The following TFEC variants were observed in gnomAD, a reference collection of about 807,000 sequenced individuals.
TFEC encodes transcription factor EC, also known as class E basic helix-loop-helix protein 34.
TFEC carries 31 observed loss-of-function variants against 41.6 expected under a neutral mutation model. The observed-to-expected ratio is 0.74, with a 90% CI of 0.56 to 1.01. The LOEUF (loss-of-function observed/expected upper bound fraction) is 1.01, where lower values mean the gene tolerates loss of function less well. Among genes scored for constraint, TFEC ranks in the 50% least tolerant of loss-of-function variants. The pLI, the probability that TFEC is intolerant of heterozygous loss-of-function variation, is 0.00. For missense variants in TFEC, 402 were observed against 404.1 expected (o/e 0.99, Z 0.04); for synonymous variants, 143 against 140.6 (o/e 1.02, Z -0.12).
chr7:116,000,198 TGAA>T (rs1794534864), intron 1 of TFEC, among the ~76,000 whole-genome samples: 1 of 152,038 alleles, frequency 6.6e-6, no homozygotes. Context: ...ATCAACAGAA[TGAA>T]GAACAAAGAC....
chr7:116,015,741 T>A (rs932656207), intron 1 of TFEC, among the ~76,000 whole-genome samples: 1 of 152,140 alleles, frequency 6.6e-6, no homozygotes, highest in African/African-American at 2.4e-5. Flanking sequence ...TCACATATTA[T>A]GCATTCAGAT....
intron 3 of TFEC, among the ~76,000 whole-genome samples, chr7:116,095,195 T>TA (rs1797422633): frequency 6.6e-6 from 1 of 152,212 alleles, no homozygotes; most frequent in South Asian, 2.1e-4. Flanking sequence ...TATTTGGCCA[T>TA]AAAACCACTG....
At chr7:116,125,522 G>T (rs1798191388) in intron 1 of TFEC, among the ~76,000 whole-genome samples, 1 of 152,160 alleles carries the variant, frequency 6.6e-6, no homozygotes, top group Non-Finnish European at 1.5e-5. Flanking sequence ...CAATTAGGTA[G>T]CAATGCATGA....
intron 3 of TFEC, among the ~76,000 whole-genome samples, chr7:116,055,966 C>A (rs1356158535): frequency 6.6e-6 from 1 of 151,840 alleles, no homozygotes; most frequent in African/African-American, 2.4e-5. Flanking sequence ...CTTTATAATT[C>A]TTGATAACAT....
At chr7:115,999,335 T>C (rs186936239) in intron 1 of TFEC, among the ~76,000 whole-genome samples, 1 of 151,942 alleles carries the variant, frequency 6.6e-6, no homozygotes, top group African/African-American at 2.4e-5. Context: ...TGAAATACAG[T>C]AAAAGCAGTA....
At chr7:116,110,609 T>A in intron 3 of TFEC, 1 of 889,776 alleles carries the variant, frequency 1.1e-6, no homozygotes, top group Non-Finnish European at 1.5e-6. Flanking sequence ...CTTGTTTTTT[T>A]CCTTCAATTT....
intron 1 of TFEC, among the ~76,000 whole-genome samples, chr7:116,123,918 T>C (rs1457737375): frequency 1.3e-5 from 2 of 152,110 alleles, no homozygotes; most frequent in East Asian, 3.9e-4. Context: ...AGCATGATAT[T>C]AAACATAACA....
chr7:116,154,341 A>T (rs1158786506), intron 1 of TFEC, among the ~76,000 whole-genome samples: 4 of 152,154 alleles, frequency 2.6e-5, no homozygotes, highest in African/African-American at 9.7e-5. Flanking sequence ...CACTTTCTTC[A>T]GATGGAGGCT....
chr7:116,056,538 C>T (rs933369378), intron 3 of TFEC, among the ~76,000 whole-genome samples: 2 of 152,118 alleles, frequency 1.3e-5, no homozygotes, highest in Non-Finnish European at 2.9e-5. Flanking sequence ...TGCCATTTCC[C>T]ACCAGCCATA....
At chr7:116,022,807 C>T (rs895563836) in intron 1 of TFEC, among the ~76,000 whole-genome samples, 1 of 152,088 alleles carries the variant, frequency 6.6e-6, no homozygotes, top group Non-Finnish European at 1.5e-5. Context: ...AGCATAAAGG[C>T]TAAAGTTGCC....
At chr7:116,146,200 T>A (rs1334170776) in intron 1 of TFEC, among the ~76,000 whole-genome samples, 1 of 152,120 alleles carries the variant, frequency 6.6e-6, no homozygotes, top group Non-Finnish European at 1.5e-5. Context: ...CAAAGACAAG[T>A]AAGTCTCAGA....
chr7:116,029,436 C>T (rs935495435), intron 1 of TFEC, among the ~76,000 whole-genome samples: 9 of 152,104 alleles, frequency 5.9e-5, no homozygotes, highest in African/African-American at 7.2e-5. Flanking sequence ...TAATAAACTG[C>T]GTACCATTTC....
intron 1 of TFEC, among the ~76,000 whole-genome samples, chr7:116,128,041 G>A (rs1798251448): frequency 6.6e-6 from 1 of 152,128 alleles, no homozygotes; most frequent in Admixed American, 6.5e-5. Flanking sequence ...TAAAAAAGCA[G>A]TAACTCAAAT....
intron 1 of TFEC, among the ~76,000 whole-genome samples, chr7:116,026,808 A>G (rs1423586620): frequency 1.3e-5 from 2 of 152,222 alleles, no homozygotes; most frequent in Non-Finnish European, 2.9e-5. Flanking sequence ...AGTAGGTGCA[A>G]TTCTGATGAA....
At chr7:116,023,639 C>T (rs778504671) in intron 1 of TFEC, among the ~76,000 whole-genome samples, 23 of 152,264 alleles carry the variant, frequency 1.5e-4, no homozygotes, top group Admixed American at 2.6e-4. Context: ...AAGAGACTTG[C>T]CCTAGGTCAG....
intron 3 of TFEC, chr7:115,968,148 C>T: frequency 6.6e-7 from 1 of 1,512,000 alleles, no homozygotes; most frequent in African/African-American, 1.4e-5. Flanking sequence ...GGTTTCATCT[C>T]CAAACACTGA....
At chr7:116,090,895 C>G (rs1797310842) in intron 3 of TFEC, among the ~76,000 whole-genome samples, 1 of 151,494 alleles carries the variant, frequency 6.6e-6, no homozygotes, top group Non-Finnish European at 1.5e-5. Flanking sequence ...CATGTTGTCA[C>G]TCATAAGTTG....
At chr7:116,079,100 G>A (rs575664111) in intron 3 of TFEC, among the ~76,000 whole-genome samples, 5 of 151,920 alleles carry the variant, frequency 3.3e-5, no homozygotes, top group African/African-American at 7.2e-5. Flanking sequence ...CTCCATAGAC[G>A]CAGGAAAAAC....
chr7:116,079,312 ACTGGAAGCC>A (rs1797033937), intron 3 of TFEC, among the ~76,000 whole-genome samples: 1 of 152,050 alleles, frequency 6.6e-6, no homozygotes, highest in Admixed American at 6.6e-5. Context: ...TGAACATAGT[ACTGGAAGCC>A]CTAACCAGAG....
Sources: gnomAD v4.1 joint callset for allele counts (sites outside exome capture counted in the v4.1 genomes callset) on GRCh38, gnomAD v4.1.1 for gene constraint, MANE v1.5 for transcripts, NCBI Gene and HGNC (gene_info 2026-07-23, HGNC 2026-07-21) for gene names.